Variants in MAGI1 observed in about 807,000 individuals in gnomAD.
MAGI1 encodes membrane-associated guanylate kinase, WW and PDZ domain-containing protein 1.
A neutral mutation model predicts 139.9 loss-of-function variants in MAGI1; 58 were observed. The observed-to-expected ratio is 0.41, with a 90% CI of 0.34 to 0.52. The LOEUF is 0.52. Ranked by LOEUF, MAGI1 falls within the 20% of genes least tolerant of loss-of-function variation. MAGI1 has a pLI of 0.12. For synonymous variants in MAGI1, 812 were observed against 737.9 expected, an observed-to-expected ratio of 1.10 and a Z score of -1.63; for missense variants, 1,874 against 1,901.6, an observed-to-expected ratio of 0.99 and a Z score of 0.27.
intron 3 of MAGI1, among the ~76,000 whole-genome samples, chr3:65,489,695 C>T (rs1381595796): frequency 6.6e-6 from 1 of 152,006 alleles, no homozygotes; most frequent in Admixed American, 6.6e-5. Context: ...GGAAAGATCT[C>T]CAGGGTATGT....
chr3:65,803,564 A>T (rs1255058121), intron 1 of MAGI1, among the ~76,000 whole-genome samples: 1 of 152,180 alleles, frequency 6.6e-6, no homozygotes, highest in East Asian at 1.9e-4. Flanking sequence ...TTTTAATTTT[A>T]GGTTCAGGGG....
At chr3:66,019,041 T>A (rs1171449714) in intron 1 of MAGI1, among the ~76,000 whole-genome samples, 1 of 152,196 alleles carries the variant, frequency 6.6e-6, no homozygotes, top group Non-Finnish European at 1.5e-5. Flanking sequence ...ATGTTTATGC[T>A]GCTCAGCTGC....
In MAGI1 at chr3:65,356,423, C is replaced by G. The variant is rs373197382; in HGVS notation, c.4344G>C (p.Gln1448His). The G allele has an allele frequency of 1.2e-6, 2 of 1,607,994 alleles. No homozygotes were observed. The highest frequency in any genetic ancestry group is 1.7e-6 in the Non-Finnish European group (2 of 1,178,412). Reference sequence around the variant, plus strand: ...TACATTCTTTGTAAGGTCGCCTTCTCTGCTCCGGGGGATGTCTGGAACTTC... The same window carrying G: ...TACATTCTTTGTAAGGTCGCCTTCTGTGCTCCGGGGGATGTCTGGAACTTC... ...AGRSSRHPPE[Q>H]RRRPYKECST... The change falls in exon 23 of 23, where the codon CAG becomes CAC. Residue 1448 changes from glutamine (Q) to histidine (H), a missense_variant. Around this residue, in one of 5 missense-constraint regions of MAGI1, gnomAD observed 653 missense variants for 644.5 expected, o/e 1.01. Transcript: ENST00000402939.
chr3:65,763,307 C>G, intron 1 of MAGI1, among the ~76,000 whole-genome samples: 1 of 152,182 alleles, frequency 6.6e-6, no homozygotes, highest in East Asian at 1.9e-4. Context: ...ATAAAAGTAT[C>G]TAGGTTTTGC....
At chr3:65,462,066 G>A (rs1949833448) in intron 5 of MAGI1, among the ~76,000 whole-genome samples, 2 of 152,060 alleles carry the variant, frequency 1.3e-5, no homozygotes, top group Admixed American at 1.3e-4. Context: ...CATTCTGTAG[G>A]TTGCCCATTC....
chr3:65,900,236 A>C (rs137963547), intron 1 of MAGI1, among the ~76,000 whole-genome samples: 2 of 152,198 alleles, frequency 1.3e-5, no homozygotes, highest in African/African-American at 4.8e-5. Context: ...CCTTGGACTC[A>C]TTAACTCTTA....
At chr3:65,772,261 G>A (rs993078930) in intron 1 of MAGI1, among the ~76,000 whole-genome samples, 4 of 152,232 alleles carry the variant, frequency 2.6e-5, no homozygotes, top group South Asian at 4.2e-4. Context: ...TCCTTGTAGG[G>A]GCCAATTTCC....
At chr3:65,707,449 G>A (rs7628145) in intron 1 of MAGI1, among the ~76,000 whole-genome samples, 2,865 of 152,228 alleles carry the variant, frequency 0.019, 80 homozygotes, top group African/African-American at 0.064. Context: ...ACTTTGGGAG[G>A]CCGAGCCAGG....
At chr3:66,032,390 T>TG (rs1252393768) in intron 1 of MAGI1, among the ~76,000 whole-genome samples, 1 of 147,522 alleles carries the variant, frequency 6.8e-6, no homozygotes, top group Non-Finnish European at 1.5e-5. Context: ...TTTTTGTTTT[T>TG]TTTTTTTTTT....
intron 1 of MAGI1, among the ~76,000 whole-genome samples, chr3:65,749,054 T>C (rs1377854614): frequency 1.3e-5 from 2 of 151,990 alleles, no homozygotes; most frequent in Non-Finnish European, 2.9e-5. Flanking sequence ...GGCACTACTA[T>C]AAATGGAGGT....
At chr3:65,434,942 G>A (rs138962083) in intron 10 of MAGI1, among the ~76,000 whole-genome samples, 79 of 152,298 alleles carry the variant, frequency 5.2e-4, no homozygotes, top group African/African-American at 1.8e-3. Flanking sequence ...TATACCATGA[G>A]AGTGGAGCCC....
Position 66,038,592 on chromosome 3 carries a change from C to G in MAGI1, c.-284G>C. On this transcript the variant is annotated 5_prime_UTR_variant, in exon 1 of 23. Coordinates refer to ENST00000402939, the MANE Select transcript of MAGI1 (RefSeq NM_001033057.2). ...GTTCCGGCGCCCGCCCGTGCTCTCC[C>G]GGACCAGAGTCCACTCTGCGCCGCT... The G allele has an allele frequency of 2.3e-6, 1 of 432,150 alleles. No individual in the cohort carries two copies. Among genetic ancestry groups the G allele is most frequent in the Non-Finnish European group, 4.1e-6 (1 of 246,816 alleles). 26.8% of individuals were successfully genotyped at this position (432,150 alleles called of 1,614,324 possible).
intron 2 of MAGI1, among the ~76,000 whole-genome samples, chr3:65,505,652 T>TAATAAC (rs1475028099): frequency 2.0e-5 from 3 of 149,300 alleles, no homozygotes; most frequent in African/African-American, 7.3e-5. Context: ...ATAATAATAA[T>TAATAAC]AATAATAATA....
At chr3:65,614,549 A>G (rs1402460966) in intron 2 of MAGI1, among the ~76,000 whole-genome samples, 1 of 152,194 alleles carries the variant, frequency 6.6e-6, no homozygotes, top group Non-Finnish European at 1.5e-5. Context: ...CTCAATAAAC[A>G]CAACTTGGTT....
At position 65,561,763 on chromosome 3, in the gene MAGI1, A is replaced by G. The variant is rs577988826; in HGVS notation, c.430+60209T>C. 2.0e-5 allele frequency among the ~76,000 whole-genome samples: 3 copies of G among 152,328 alleles called. No homozygotes were observed. In the East Asian group the frequency reaches 5.8e-4, roughly 29 times the overall value. Reference sequence around the variant, plus strand: ...TTCTTAAATCAAGCCATTGCTTTTAAAACTTTATTAGCAAGTGGAGACAGA... The same window carrying G: ...TTCTTAAATCAAGCCATTGCTTTTAGAACTTTATTAGCAAGTGGAGACAGA... On this transcript the variant is annotated intron_variant, in intron 2 of 22. Transcript: ENST00000402939.
At chr3:65,566,618 TTTTGTTTG>T (rs141896683) in intron 2 of MAGI1, among the ~76,000 whole-genome samples, 4 of 151,990 alleles carry the variant, frequency 2.6e-5, no homozygotes, top group African/African-American at 4.8e-5. Flanking sequence ...GTTACTGGGT[TTTTGTTTG>T]TTTGTTTGTT....
chr3:65,627,737 A>G (rs2084062244), intron 1 of MAGI1, among the ~76,000 whole-genome samples: 1 of 151,456 alleles, frequency 6.6e-6, no homozygotes, highest in Admixed American at 6.6e-5. Context: ...CGATCTCCTG[A>G]CCTTGTGATC....
intron 2 of MAGI1, among the ~76,000 whole-genome samples, chr3:65,527,444 G>A (rs1230961139): frequency 6.6e-6 from 1 of 152,136 alleles, no homozygotes; most frequent in African/African-American, 2.4e-5. Flanking sequence ...GCCAGGAGTT[G>A]GCCGGGCGTG....
At chr3:65,857,044 G>A (rs1294926968) in intron 1 of MAGI1, among the ~76,000 whole-genome samples, 2 of 152,232 alleles carry the variant, frequency 1.3e-5, no homozygotes, top group Non-Finnish European at 2.9e-5. Context: ...AGCTCCAACA[G>A]AGGTAATGGG....
Sources: gnomAD v4.1 joint callset for allele counts (sites outside exome capture counted in the v4.1 genomes callset) on GRCh38, gnomAD v4.1.1 for gene constraint, gnomAD v4.1.1 regional missense constraint, MANE v1.5 for transcripts, NCBI Gene and HGNC (gene_info 2026-07-23, HGNC 2026-07-21) for gene names.